The following MED16 variants were observed in gnomAD, a reference collection of about 807,000 sequenced individuals.
MED16 encodes the protein mediator complex subunit 16.
A neutral mutation model predicts 84.4 loss-of-function variants in MED16; 81 were observed. The observed-to-expected ratio is 0.96, with a 90% CI of 0.80 to 1.15. MED16 has a LOEUF of 1.15. Ranked by LOEUF, MED16 falls within the 50% of genes most tolerant of loss-of-function variation. The pLI is 0.00. For missense variants in MED16, 1,585 were observed against 1,245.9 expected, an observed-to-expected ratio of 1.27 and a Z score of -4.10; for synonymous variants, 897 against 552.2, an observed-to-expected ratio of 1.62 and a Z score of -8.76.
intron 4 of MED16, among the ~76,000 whole-genome samples, chr19:887,243 G>A (rs1401547715): frequency 6.6e-6 from 1 of 151,956 alleles, no homozygotes; most frequent in African/African-American, 2.4e-5. Context: ...AAGCAAGCCA[G>A]GCCTGGTGGT....
intron 15 of MED16, 43 bp from the exon 16 acceptor site, chr19:868,294 G>A: frequency 1.3e-6 from 2 of 1,586,434 alleles, no homozygotes; most frequent in Non-Finnish European, 8.5e-7. Flanking sequence ...GAGAGTCCAG[G>A]GCGAGCGGTG....
intron 11 of MED16, 38 bp from the exon 12 acceptor site, chr19:872,156 G>A (rs758248505): frequency 6.7e-5 from 104 of 1,557,636 alleles, no homozygotes; most frequent in Non-Finnish European, 6.3e-5. Context: ...GGGGCGGCGG[G>A]GGGCAGATGG....
Position 868,947 on chromosome 19 carries a change from C to T in MED16, c.2316-1G>A. 1.3e-6 allele frequency: 2 copies of T among 1,535,834 alleles called. No homozygotes were observed. The highest frequency in any genetic ancestry group is 1.9e-4 in the Middle Eastern group (1 of 5,244). ...GTCGATCTTGGGCTGGCCTGGGGCC[C>T]TGGCGGGAGAGGGGAGAACGTGAGG... On this transcript the variant is annotated splice_acceptor_variant, in intron 13 of 15. Coordinates refer to ENST00000325464, the MANE Select transcript of MED16 (RefSeq NM_005481.3). LOFTEE classifies it high-confidence loss of function.
At chr19:879,790 C>G in intron 8 of MED16, 147 bp downstream of exon 8, 1 of 1,003,894 alleles carries the variant, frequency 1.0e-6, no homozygotes, top group East Asian at 2.6e-5. Flanking sequence ...CCCAGCAGCT[C>G]GCCTTCCCCT....
At chr19:877,263 G>GCCCTCAGCCGGGAGAGGAAT in intron 8 of MED16, 83 bp from the exon 9 acceptor site, 1 of 1,378,120 alleles carries the variant, frequency 7.3e-7, no homozygotes, top group Non-Finnish European at 9.9e-7. Context: ...CTGGGGCTGC[G>GCCCTCAGCCGGGAGAGGAAT]GCACGTGTGT....
Position 868,896 on chromosome 19 carries a change from G to T in MED16, c.2366C>A (p.Ala789Asp). Residue 789 changes from alanine (A) to aspartate (D), a missense_variant, in exon 14 of 16, where the codon GCT (alanine) becomes GAT (aspartate). Physicochemically the swap from Ala to Asp is moderately radical, Grantham distance 126. Coordinates refer to ENST00000325464, the MANE Select transcript of MED16 (RefSeq NM_005481.3). Reference protein sequence around the residue: ...IDHLRRLHLGACPTEECKACT... With the variant: ...IDHLRRLHLGDCPTEECKACT... ...GGCCTTGCATTCCTCCGTGGGGCAAGCGCCAAGGTGCAGCCTCCGCAGGTG... is the reference window on the plus strand; with the variant it reads ...GGCCTTGCATTCCTCCGTGGGGCAATCGCCAAGGTGCAGCCTCCGCAGGTG... 2 of 1,551,840 alleles carry T rather than the reference G, an allele frequency of 1.3e-6. No homozygotes were observed. The highest frequency in any genetic ancestry group is 1.7e-6 in the Non-Finnish European group (2 of 1,152,056).
At chr19:879,076 A>ACAT (rs770028135) in intron 8 of MED16, among the ~76,000 whole-genome samples, 2 of 40,734 alleles carry the variant, frequency 4.9e-5, no homozygotes, top group Non-Finnish European at 4.8e-5. Flanking sequence ...CCCCAGCCCC[A>ACAT]GCCCCACGTG....
At chr19:869,380 C>T (rs935464571) in intron 13 of MED16, among the ~76,000 whole-genome samples, 75 of 149,256 alleles carry the variant, frequency 5.0e-4, no homozygotes, top group African/African-American at 1.7e-3. Flanking sequence ...GACCTCTGAA[C>T]GACAAGATTC....
chr19:876,499 G>A (rs1203849182), intron 9 of MED16, among the ~76,000 whole-genome samples: 2 of 152,142 alleles, frequency 1.3e-5, no homozygotes, highest in African/African-American at 4.8e-5. Context: ...GGAGAGGGGA[G>A]CCGTCCAGGG....
At chr19:881,007 A>G (rs868185351) in intron 7 of MED16, among the ~76,000 whole-genome samples, 21 of 152,256 alleles carry the variant, frequency 1.4e-4, no homozygotes, top group Admixed American at 4.6e-4. Flanking sequence ...GCATCCCCTC[A>G]ACCTCTCTGC....
intron 2 of MED16, 89 bp downstream of exon 2, chr19:890,874 A>C: frequency 7.1e-7 from 1 of 1,400,210 alleles, no homozygotes; most frequent in South Asian, 1.3e-5. Context: ...TGAGAGACCG[A>C]GTCCCTTCAA....
chr19:872,141 T>G (rs749858499), intron 11 of MED16, 23 bp from the exon 12 acceptor site: 2 of 1,532,182 alleles, frequency 1.3e-6, no homozygotes, highest in South Asian at 1.2e-5. Context: ...GGCATCGGTG[T>G]GGCTGGGGCG....
chr19:882,475 G>A (rs1451063604), intron 6 of MED16, among the ~76,000 whole-genome samples: 3 of 152,322 alleles, frequency 2.0e-5, no homozygotes, highest in African/African-American at 4.8e-5. Flanking sequence ...AGTGAGCCAA[G>A]ATCACGCCAC....
At chr19:880,258 G>C (rs1040832402) in intron 7 of MED16, 110 bp from the exon 8 acceptor site, 4 of 1,022,300 alleles carry the variant, frequency 3.9e-6, no homozygotes, top group Admixed American at 7.4e-5. Context: ...CCATCCAGGG[G>C]GTCAGCCCCC....
In MED16 at chr19:871,225, C is replaced by G. The variant is rs376670615; in HGVS notation, c.2127G>C (p.Pro709=). 3 of 1,542,898 alleles carry G rather than the reference C, an allele frequency of 1.9e-6. No homozygotes were observed. The South Asian group carries it at 3.6e-5, about 18-fold the overall frequency. ...AGCATTCATCCACCAGCGCCTCGTC[C>G]GGCTCGCTCGCTGGGCCCTCATCGC... ...CCRDEGPASE[P]DEALVDECCL... is the part of the protein sequence containing the mutation. Residue 709 remains proline (P), a synonymous_variant, in exon 13 of 16, where the codon CCG becomes CCC. Coordinates refer to ENST00000325464, the MANE Select transcript of MED16 (RefSeq NM_005481.3).
At chr19:886,289 A>C in intron 4 of MED16, 88 bp from the exon 5 acceptor site, 130 of 1,138,374 alleles carry the variant, frequency 1.1e-4, no homozygotes, top group Non-Finnish European at 1.4e-4. Context: ...CAGAAGAACC[A>C]CGCAGAAGCC....
intron 1 of MED16, 95 bp downstream of exon 1, chr19:892,991 C>T (rs1251563040): frequency 8.5e-5 from 13 of 152,686 alleles, no homozygotes; most frequent in Admixed American, 7.9e-4. Flanking sequence ...CCCGACCCCG[C>T]AGGCCCCGCC....
rs572122997 is a variant in MED16 at position 885,888 on chromosome 19, C to T, written c.761G>A (p.Arg254His). 1.5e-5 allele frequency: 24 copies of T among 1,613,726 alleles called. No homozygotes were observed. In the Middle Eastern group the frequency reaches 4.9e-4, roughly 33 times the overall value. Residue 254 changes from arginine to histidine, a missense_variant, in exon 5 of 16, where the codon CGT becomes CAT. Coordinates refer to ENST00000325464, the MANE Select transcript of MED16 (RefSeq NM_005481.3). The stretch of plus-strand genomic sequence containing the variant: ...GGAGGGCAGGATCTCCGTGTCGATA[C>T]GGCACTTCTCGCTCACCACGCTCAC... Reference protein sequence around the residue: ...VCVSVVSEKCRIDTEILPSLF... With the variant: ...VCVSVVSEKCHIDTEILPSLF...
chr19:876,961 C>T lies in MED16; in HGVS notation c.1560+13G>A, dbSNP rs746087160. ...CCACCTGCCACGGGGCCCCACCTGC[C>T]ACGGGCCCCCACCTGCTGCAGGGCA... is the stretch of plus-strand genomic sequence containing the variant. On this transcript the variant is annotated intron_variant, in intron 9 of 15. Coordinates refer to ENST00000325464, the MANE Select transcript of MED16 (RefSeq NM_005481.3). 3 of 1,604,454 alleles carry T rather than the reference C, an allele frequency of 1.9e-6. No homozygotes were observed. Among genetic ancestry groups the T allele is most frequent in the African/African-American group, 1.3e-5 (1 of 74,546 alleles).
Sources: allele counts gnomAD v4.1 joint callset (sites outside exome capture counted in the v4.1 genomes callset), GRCh38; gene constraint gnomAD v4.1.1; transcripts MANE v1.5; gene names NCBI Gene and HGNC (gene_info 2026-07-23, HGNC 2026-07-21).